The following SPTBN1 variants were observed in gnomAD, a reference collection of about 807,000 sequenced individuals.
SPTBN1 encodes spectrin beta chain, non-erythrocytic 1.
SPTBN1 carries 32 observed loss-of-function variants against 266.4 expected under a neutral mutation model. The observed-to-expected ratio is 0.12, with a 90% CI of 0.09 to 0.16. The LOEUF is 0.16. Ranked by LOEUF, SPTBN1 falls within the 10% of genes least tolerant of loss-of-function variation. The pLI, the probability that SPTBN1 is intolerant of heterozygous loss-of-function variation, is 1.00. For synonymous variants in SPTBN1, 1,336 were observed against 1,162.2 expected (o/e 1.15, Z -3.04); for missense variants, 2,296 against 3,067.1 (o/e 0.75, Z 5.94).
chr2:54,629,114 C>A lies in SPTBN1; in HGVS notation c.1980C>A (p.Ile660=), dbSNP rs1474510984. The change falls in exon 14 of 36, where the codon ATC becomes ATA. Residue 660 remains isoleucine, a synonymous_variant. Transcript: ENST00000356805. ...EEGWIREKEK[I]LSSDDYGKDL... ...GCTGGATACGGGAGAAGGAGAAGAT[C>A]CTGTCCTCGGACGATTACGGGAAAG... The A allele has an allele frequency of 3.1e-6, 5 of 1,613,672 alleles. No individual in the cohort carries two copies. Among genetic ancestry groups the A allele is most frequent in the Non-Finnish European group, 4.2e-6 (5 of 1,179,924 alleles).
At chr2:54,661,287 C>G in intron 32 of SPTBN1, 2 of 985,882 alleles carry the variant, frequency 2.0e-6, no homozygotes, top group South Asian at 4.7e-5. Context: ...CCGATAAAAA[C>G]AAAACCAAAT....
chr2:54,625,059 G>A (rs1047645648), intron 11 of SPTBN1, 97 bp downstream of exon 11: 52 of 1,412,292 alleles, frequency 3.7e-5, no homozygotes, highest in Middle Eastern at 4.0e-4. Context: ...GCTGCTTATC[G>A]ACATTCATTA....
intron 1 of SPTBN1, among the ~76,000 whole-genome samples, chr2:54,463,876 A>C (rs1693496801): frequency 6.6e-6 from 1 of 152,244 alleles, no homozygotes. Flanking sequence ...TGTATTTTTT[A>C]AACAAACAAT....
chr2:54,613,976 G>A (rs542487569), intron 4 of SPTBN1, among the ~76,000 whole-genome samples: 3 of 152,328 alleles, frequency 2.0e-5, no homozygotes, highest in African/African-American at 7.2e-5. Context: ...CAGGGAGCTG[G>A]CACACACAGC....
At chr2:54,594,560 T>C (rs1217127857) in intron 2 of SPTBN1, among the ~76,000 whole-genome samples, 1 of 152,180 alleles carries the variant, frequency 6.6e-6, no homozygotes, top group African/African-American at 2.4e-5. Flanking sequence ...ATACTGGGAT[T>C]AGATACGGAA....
Position 54,659,241 on chromosome 2 carries a change from G to C in SPTBN1, c.6331G>C (p.Glu2111Gln). 1.2e-6 allele frequency: 2 copies of C among 1,614,098 alleles called. No individual in the cohort carries two copies. The highest frequency in any genetic ancestry group is 1.1e-5 in the South Asian group (1 of 91,064). Reference sequence around the variant, plus strand: ...TCCCGAGCCGAGCACGAAGGTTTCAGAGGAAGCCGAGTCCCAGCAGCAGTG... The same window carrying C: ...TCCCGAGCCGAGCACGAAGGTTTCACAGGAAGCCGAGTCCCAGCAGCAGTG... ...PSPEPSTKVS[E>Q]EAESQQQWDT... Residue 2111 changes from glutamate (E) to glutamine (Q), a missense_variant, in exon 31 of 36, where the codon GAG (glutamate) becomes CAG (glutamine). Physicochemically the swap from Glu to Gln is conservative, Grantham distance 29. This residue lies in a region of SPTBN1 where 347 missense variants were observed against 368.5 expected (regional missense o/e 0.94). Transcript: ENST00000356805.
intron 1 of SPTBN1, among the ~76,000 whole-genome samples, chr2:54,460,574 T>A (rs1693312218): frequency 6.6e-6 from 1 of 152,248 alleles, no homozygotes; most frequent in African/African-American, 2.4e-5. Flanking sequence ...CTGCTCCCTC[T>A]GCTCTGGCAT....
chr2:54,592,951 G>A (rs1675785684), intron 2 of SPTBN1, among the ~76,000 whole-genome samples: 1 of 152,166 alleles, frequency 6.6e-6, no homozygotes, highest in South Asian at 2.1e-4. Flanking sequence ...ATAGTTTGCT[G>A]TGAAGATCTA....
chr2:54,504,080 G>A (rs1669424492), intron 1 of SPTBN1, among the ~76,000 whole-genome samples: 2 of 152,180 alleles, frequency 1.3e-5, no homozygotes. Context: ...AGTGCACTGG[G>A]TGGGACTGAC....
chr2:54,617,727 A>C (rs201938479), intron 6 of SPTBN1, 39 bp downstream of exon 6: 3 of 1,602,010 alleles, frequency 1.9e-6, no homozygotes, highest in Non-Finnish European at 2.6e-6. Flanking sequence ...CGTGGGGTAA[A>C]AGGTTGCTGT....
At chr2:54,460,185 T>C (rs1354786556) in intron 1 of SPTBN1, among the ~76,000 whole-genome samples, 1 of 152,258 alleles carries the variant, frequency 6.6e-6, no homozygotes, top group East Asian at 1.9e-4. Context: ...TTTAAGTGAG[T>C]TGTATGCACA....
intron 18 of SPTBN1, among the ~76,000 whole-genome samples, chr2:54,641,606 A>G (rs894252462): frequency 5.3e-5 from 8 of 152,160 alleles, no homozygotes; most frequent in Non-Finnish European, 1.0e-4. Flanking sequence ...GAGATTTGCT[A>G]GTTTTTCCCT....
chr2:54,486,831 G>A (rs899736466), intron 1 of SPTBN1, among the ~76,000 whole-genome samples: 3 of 152,072 alleles, frequency 2.0e-5, no homozygotes, highest in African/African-American at 7.2e-5. Context: ...TGTTGATTTA[G>A]AAGACACAGG....
At chr2:54,470,298 A>AT (rs1410133244) in intron 1 of SPTBN1, among the ~76,000 whole-genome samples, 1 of 152,054 alleles carries the variant, frequency 6.6e-6, no homozygotes, top group Non-Finnish European at 1.5e-5. Flanking sequence ...GTGTACATGC[A>AT]TTTTTTATTC....
chr2:54,622,534 A>G (rs1260708554), intron 9 of SPTBN1, 47 bp downstream of exon 9: 1 of 1,586,000 alleles, frequency 6.3e-7, no homozygotes, highest in African/African-American at 1.3e-5. Flanking sequence ...AAGACACATC[A>G]CTGTAGCCAA....
At chr2:54,530,670 T>A (rs1671179883) in intron 2 of SPTBN1, among the ~76,000 whole-genome samples, 3 of 152,194 alleles carry the variant, frequency 2.0e-5, no homozygotes, top group Admixed American at 2.0e-4. Flanking sequence ...AAAACATTTT[T>A]AAAATAACTT....
intron 1 of SPTBN1, among the ~76,000 whole-genome samples, chr2:54,515,420 G>GTGGT (rs1190094128): frequency 1.3e-5 from 2 of 152,162 alleles, no homozygotes; most frequent in Non-Finnish European, 2.9e-5. Context: ...AAACTGTTGG[G>GTGGT]TGGTTACATC....
At chr2:54,644,031 G>A (rs536975388) in intron 19 of SPTBN1, among the ~76,000 whole-genome samples, 7 of 152,092 alleles carry the variant, frequency 4.6e-5, no homozygotes, top group Admixed American at 3.9e-4. Flanking sequence ...TATCATCTTT[G>A]GTCATGGAAT....
At chr2:54,563,461 A>G (rs4671227) in intron 2 of SPTBN1, among the ~76,000 whole-genome samples, 43,688 of 152,024 alleles carry the variant, frequency 0.29, 7,807 homozygotes, top group Admixed American at 0.37. Context: ...ATTTCAGGTC[A>G]TGAAATGCAT....
Sources: gnomAD v4.1 joint callset for allele counts (sites outside exome capture counted in the v4.1 genomes callset) on GRCh38, gnomAD v4.1.1 for gene constraint, gnomAD v4.1.1 regional missense constraint, MANE v1.5 for transcripts, NCBI Gene and HGNC (gene_info 2026-07-23, HGNC 2026-07-21) for gene names.